The following RASAL2 variants were observed in gnomAD, a reference collection of about 807,000 sequenced individuals.
RASAL2 encodes the protein ras GTPase-activating protein nGAP.
A neutral mutation model predicts 128.9 loss-of-function variants in RASAL2; 58 were observed. The observed-to-expected ratio is 0.45, with a 90% CI of 0.36 to 0.56. The LOEUF (loss-of-function observed/expected upper bound fraction) is 0.56, where lower values mean the gene tolerates loss of function less well. RASAL2 is among the 20% of genes least tolerant of loss of function. The pLI, the probability that RASAL2 is intolerant of heterozygous loss-of-function variation, is 0.00. For synonymous variants in RASAL2, 561 were observed against 580.8 expected, an observed-to-expected ratio of 0.97 and a Z score of 0.49; for missense variants, 1,360 against 1,601.6, an observed-to-expected ratio of 0.85 and a Z score of 2.57.
At chr1:178,222,978 G>T (rs1037597407) in intron 1 of RASAL2, among the ~76,000 whole-genome samples, 1 of 152,042 alleles carries the variant, frequency 6.6e-6, no homozygotes, top group Non-Finnish European at 1.5e-5. Flanking sequence ...ACTCCCTGTA[G>T]TGCATTTAAC....
At chr1:178,409,549 A>G (rs1456418895) in intron 4 of RASAL2, among the ~76,000 whole-genome samples, 4 of 152,220 alleles carry the variant, frequency 2.6e-5, no homozygotes, top group Admixed American at 6.5e-5. Context: ...AGGTATTTCA[A>G]GTTAGTGGAG....
At chr1:178,233,003 G>T (rs1296330713) in intron 1 of RASAL2, among the ~76,000 whole-genome samples, 2 of 152,220 alleles carry the variant, frequency 1.3e-5, no homozygotes, top group African/African-American at 4.8e-5. Context: ...TGCAGGAAGT[G>T]AGGTGATCCT....
chr1:178,230,423 A>C (rs1463716173), intron 1 of RASAL2, among the ~76,000 whole-genome samples: 1 of 152,124 alleles, frequency 6.6e-6, no homozygotes, highest in Non-Finnish European at 1.5e-5. Context: ...CAATCATGAG[A>C]GTTCTGGTTA....
intron 1 of RASAL2, among the ~76,000 whole-genome samples, chr1:178,202,997 C>T (rs974246027): frequency 6.6e-6 from 1 of 152,190 alleles, no homozygotes; most frequent in East Asian, 1.9e-4. Flanking sequence ...CAAAACTGAG[C>T]CCTCAAAATG....
chr1:178,354,658 G>A (rs1670702338), intron 3 of RASAL2, among the ~76,000 whole-genome samples: 1 of 152,146 alleles, frequency 6.6e-6, no homozygotes, highest in African/African-American at 2.4e-5. Context: ...AAACCTAATT[G>A]CATTTCCATA....
At chr1:178,363,872 G>A (rs1251847895) in intron 3 of RASAL2, among the ~76,000 whole-genome samples, 3 of 152,066 alleles carry the variant, frequency 2.0e-5, no homozygotes, top group Non-Finnish European at 4.4e-5. Context: ...TGAGGCGGGC[G>A]GATCACGAGG....
At chr1:178,400,663 C>T (rs1404191853) in intron 4 of RASAL2, among the ~76,000 whole-genome samples, 1 of 152,008 alleles carries the variant, frequency 6.6e-6, no homozygotes, top group African/African-American at 2.4e-5. Context: ...GAATATTTTA[C>T]AGTCATATAT....
chr1:178,259,485 G>T (rs1665553936), intron 1 of RASAL2, among the ~76,000 whole-genome samples: 1 of 152,170 alleles, frequency 6.6e-6, no homozygotes, highest in Admixed American at 6.5e-5. Flanking sequence ...CTGTTGAATT[G>T]TACACTTTAA....
chr1:178,371,351 C>A (rs57949861), intron 3 of RASAL2, among the ~76,000 whole-genome samples: 1 of 112,962 alleles, frequency 8.9e-6, no homozygotes, highest in Non-Finnish European at 1.7e-5. Flanking sequence ...CACACACACA[C>A]AAATACACAC....
At chr1:178,448,238 T>C (rs565021081) in intron 9 of RASAL2, among the ~76,000 whole-genome samples, 24 of 152,096 alleles carry the variant, frequency 1.6e-4, no homozygotes, top group Non-Finnish European at 3.2e-4. Context: ...GAGTCCTAGA[T>C]ACCAATAGAG....
At chr1:178,178,400 A>G (rs1661964542) in intron 1 of RASAL2, among the ~76,000 whole-genome samples, 2 of 152,132 alleles carry the variant, frequency 1.3e-5, no homozygotes, top group South Asian at 4.1e-4. Flanking sequence ...GAAAAATAAT[A>G]TATTTCTAGA....
chr1:178,440,043 T>C (rs1186626258), intron 6 of RASAL2, among the ~76,000 whole-genome samples: 4 of 151,144 alleles, frequency 2.6e-5, no homozygotes, highest in Non-Finnish European at 4.4e-5. Context: ...AAATGTCTTA[T>C]TTATTTTTGA....
At chr1:178,301,105 G>A (rs1295770113) in intron 3 of RASAL2, among the ~76,000 whole-genome samples, 1 of 152,074 alleles carries the variant, frequency 6.6e-6, no homozygotes, top group East Asian at 1.9e-4. Context: ...AATCCTTTTG[G>A]GCAGAATTTG....
intron 1 of RASAL2, among the ~76,000 whole-genome samples, chr1:178,126,684 A>G (rs1289311089): frequency 6.6e-6 from 1 of 152,186 alleles, no homozygotes; most frequent in African/African-American, 2.4e-5. Context: ...CCTTTTTCAG[A>G]TTTCTACTTG....
intron 3 of RASAL2, among the ~76,000 whole-genome samples, chr1:178,324,067 T>C (rs1351117216): frequency 1.3e-5 from 2 of 152,190 alleles, no homozygotes; most frequent in Non-Finnish European, 2.9e-5. Flanking sequence ...TATGCTCTCA[T>C]CATTAACTCT....
intron 1 of RASAL2, among the ~76,000 whole-genome samples, chr1:178,101,510 A>G (rs548120243): frequency 6.6e-6 from 1 of 152,328 alleles, no homozygotes; most frequent in African/African-American, 2.4e-5. Context: ...CCCTGAGTCT[A>G]AGGGATTGGT....
At chr1:178,446,974 CTATT>C (rs1169422906) in intron 9 of RASAL2, among the ~76,000 whole-genome samples, 5 of 152,100 alleles carry the variant, frequency 3.3e-5, no homozygotes, top group African/African-American at 1.2e-4. Flanking sequence ...TGGAATAAAA[CTATT>C]TAGCTGGAAA....
intron 3 of RASAL2, among the ~76,000 whole-genome samples, chr1:178,357,361 T>C (rs1238710617): frequency 6.6e-6 from 1 of 152,098 alleles, no homozygotes; most frequent in Non-Finnish European, 1.5e-5. Flanking sequence ...TTTTTTTTTT[T>C]TCGAATGGTC....
At chr1:178,343,816 G>A (rs149658653) in intron 3 of RASAL2, among the ~76,000 whole-genome samples, 1 of 151,662 alleles carries the variant, frequency 6.6e-6, no homozygotes, top group African/African-American at 2.4e-5. Context: ...CAATAAAAAG[G>A]TGCCCACTTT....
Sources: allele counts gnomAD v4.1 joint callset (sites outside exome capture counted in the v4.1 genomes callset), GRCh38; gene constraint gnomAD v4.1.1; transcripts MANE v1.5; gene names NCBI Gene and HGNC (gene_info 2026-07-23, HGNC 2026-07-21).